Variants in IQCK observed in about 807,000 individuals in gnomAD.
IQCK encodes IQ motif containing K.
IQCK carries 29 observed loss-of-function variants against 28.1 expected under a neutral mutation model. That is an observed-to-expected ratio of 1.03 (90% CI 0.77 to 1.41). The LOEUF (loss-of-function observed/expected upper bound fraction) is 1.41, where lower values mean the gene tolerates loss of function less well. Among genes scored for constraint, IQCK ranks in the 40% most tolerant of loss-of-function variants. The pLI is 0.00. For synonymous variants in IQCK, 113 were observed against 115.1 expected (o/e 0.98, Z 0.12); for missense variants, 359 against 314.7 (o/e 1.14, Z -1.07).
intron 7 of IQCK, among the ~76,000 whole-genome samples, chr16:19,793,547 G>T (rs1276581896): frequency 2.4e-5 from 2 of 82,336 alleles, no homozygotes; most frequent in Non-Finnish European, 2.1e-5. Context: ...AAGACATCCT[G>T]TGTTCATTGA....
intron 7 of IQCK, among the ~76,000 whole-genome samples, chr16:19,805,748 G>A (rs2055825147): frequency 6.6e-6 from 1 of 152,146 alleles, no homozygotes; most frequent in Admixed American, 6.5e-5. Flanking sequence ...AGGCATTGCA[G>A]TAAAGAAAGA....
intron 4 of IQCK, among the ~76,000 whole-genome samples, chr16:19,753,166 G>T (rs1026492435): frequency 1.3e-5 from 2 of 151,366 alleles, no homozygotes; most frequent in African/African-American, 4.9e-5. Flanking sequence ...TGTAATCCCA[G>T]ACATTTCGAG....
In IQCK at chr16:19,727,480, G is replaced by A. The variant is rs137926435; in HGVS notation, c.182-2950G>A. ...CATGTGCCTGTAGTCCCAGCTACTC[G>A]GGAGGCTGAGGCAGGAGAATTTCTT... On this transcript the variant is annotated intron_variant, in intron 1 of 7. Coordinates refer to ENST00000564186, the Ensembl canonical transcript of IQCK. 3.8e-3 allele frequency among the ~76,000 whole-genome samples: 580 copies of A among 151,978 alleles called. 3 individuals carry two copies. The highest frequency in any genetic ancestry group is 0.013 in the African/African-American group (532 of 41,464).
At chr16:19,830,444 T>C (rs976439185), downstream of IQCK, among the ~76,000 whole-genome samples, 1 of 152,188 alleles carries the variant, frequency 6.6e-6, no homozygotes, top group Non-Finnish European at 1.5e-5. Context: ...ATTTCCACCA[T>C]CTGCTGCTGG....
chr16:19,827,786 T>C (rs1484045868), downstream of IQCK, among the ~76,000 whole-genome samples: 1 of 152,194 alleles, frequency 6.6e-6, no homozygotes, highest in Non-Finnish European at 1.5e-5. Flanking sequence ...CCCTTGGTGC[T>C]CCTGGCTCGC....
At chr16:19,805,281 A>G (rs918853199) in intron 7 of IQCK, among the ~76,000 whole-genome samples, 3 of 152,178 alleles carry the variant, frequency 2.0e-5, no homozygotes, top group Non-Finnish European at 2.9e-5. Context: ...TTTTCCTGGT[A>G]AATAGTATGC....
At position 19,733,642 on chromosome 16, in the gene IQCK, A is replaced by G. The variant is rs1977911942; in HGVS notation, c.247-56A>G. The G allele has an allele frequency of 1.9e-6, 3 of 1,598,376 alleles. No homozygotes were observed. The East Asian group carries it at 6.7e-5, about 36-fold the overall frequency. ...TTCCTTCATAAGGTTATACCAGAAA[A>G]TGCAATTATTTAAGCTGTTTAAATG... On this transcript the variant is annotated intron_variant, in intron 2 of 7. Transcript: ENST00000564186.
intron 2 of IQCK, among the ~76,000 whole-genome samples, chr16:19,731,187 G>A (rs977816301): frequency 7.2e-5 from 11 of 152,186 alleles, no homozygotes; most frequent in African/African-American, 2.7e-4. Flanking sequence ...TGCATGACAG[G>A]GTAGACAAGA....
chr16:19,851,143 G>A (rs532640989), intron 9 of IQCK, among the ~76,000 whole-genome samples: 3 of 152,320 alleles, frequency 2.0e-5, no homozygotes, highest in South Asian at 4.1e-4. Context: ...AGCGCCCTTA[G>A]GAGGCAGGTG....
intron 7 of IQCK, among the ~76,000 whole-genome samples, chr16:19,818,084 T>C (rs927683077): frequency 6.6e-6 from 1 of 152,220 alleles, no homozygotes; most frequent in East Asian, 1.9e-4. Context: ...GTTAATCCCT[T>C]GTTTGCCTCC....
intron 7 of IQCK, among the ~76,000 whole-genome samples, chr16:19,800,995 TTGTG>T (rs770318750): frequency 7.8e-6 from 1 of 127,500 alleles, no homozygotes; most frequent in Non-Finnish European, 1.5e-5. Flanking sequence ...GAGTGTGTGT[TTGTG>T]TGTGTGTGTA....
At chr16:19,815,448 C>G (rs2055973569) in intron 7 of IQCK, among the ~76,000 whole-genome samples, 1 of 152,116 alleles carries the variant, frequency 6.6e-6, no homozygotes, top group African/African-American at 2.4e-5. Flanking sequence ...CCCAGGAGTT[C>G]AAGACCAGCC....
At chr16:19,822,067 C>CAAAAAAAAAAAAA (rs35060834) in intron 7 of IQCK, among the ~76,000 whole-genome samples, 21 of 64,502 alleles carry the variant, frequency 3.3e-4, no homozygotes, top group South Asian at 6.4e-4. Context: ...GACCCTGTCT[C>CAAAAAAAAAAAAA]AAAAAAAAAA....
At chr16:19,846,058 T>C (rs551362471) in intron 9 of IQCK, among the ~76,000 whole-genome samples, 39 of 152,284 alleles carry the variant, frequency 2.6e-4, no homozygotes, top group Admixed American at 4.6e-4. Flanking sequence ...GCCTGGGCAA[T>C]AGAGCGAGAC....
At chr16:19,841,864 A>G (rs1185652357) in intron 9 of IQCK, among the ~76,000 whole-genome samples, 4 of 129,708 alleles carry the variant, frequency 3.1e-5, no homozygotes, top group Non-Finnish European at 6.5e-5. Flanking sequence ...TTTTTTTTTG[A>G]GACGCAGTTT....
At chr16:19,730,247 C>T (rs1266911835) in intron 1 of IQCK, among the ~76,000 whole-genome samples, 183 bp from the exon 2 acceptor site, 1 of 152,230 alleles carries the variant, frequency 6.6e-6, no homozygotes, top group Non-Finnish European at 1.5e-5. Context: ...TGAGCCACCG[C>T]ACCCGGCCTC....
chr16:19,754,855 T>G (rs544117407), intron 4 of IQCK, among the ~76,000 whole-genome samples: 16 of 152,340 alleles, frequency 1.1e-4, no homozygotes, highest in Non-Finnish European at 1.3e-4. Flanking sequence ...CAATAGATTC[T>G]GGCAGGAAAG....
chr16:19,727,515 A>C (rs1977693820), intron 1 of IQCK, among the ~76,000 whole-genome samples: 1 of 149,638 alleles, frequency 6.7e-6, no homozygotes, highest in Non-Finnish European at 1.5e-5. Flanking sequence ...TGAACCCAGG[A>C]GGCGGAGGTT....
In IQCK at chr16:19,772,866, G is replaced by C. The variant is rs777774054; in HGVS notation, c.605+8754G>C. Among the ~76,000 whole-genome samples, 88 of 152,182 alleles carry C rather than the reference G, an allele frequency of 5.8e-4. 1 individual carries two copies. Among genetic ancestry groups the C allele is most frequent in the South Asian group, 2.9e-3 (14 of 4,810 alleles). ...AAAAAATCAAAAATCAGCTGATCAT[G>C]GTGGTGCTCACCTGTGGTCCCAGCT... On this transcript the variant is annotated intron_variant, in intron 6 of 7. Coordinates refer to ENST00000564186, the Ensembl canonical transcript of IQCK.
Sources: allele counts gnomAD v4.1 joint callset (sites outside exome capture counted in the v4.1 genomes callset), GRCh38; gene constraint gnomAD v4.1.1; transcripts MANE v1.5; gene names NCBI Gene and HGNC (gene_info 2026-07-23, HGNC 2026-07-21).